SUGCT: variants seen among roughly 807,000 people sequenced by gnomAD.
SUGCT encodes the protein succinyl-CoA:glutarate CoA-transferase.
Under a neutral mutation model 55.0 loss-of-function variants are expected in SUGCT, and 41 were observed. That is an observed-to-expected ratio of 0.74 (90% CI 0.58 to 0.97). The LOEUF (loss-of-function observed/expected upper bound fraction) is 0.97. SUGCT is among the 50% of genes least tolerant of loss of function. The probability of loss-of-function intolerance (pLI) is 0.00; values close to 1 mark genes in which losing one functional copy is unlikely to be tolerated. For synonymous variants in SUGCT, 187 were observed against 200.4 expected, an observed-to-expected ratio of 0.93 and a Z score of 0.56; for missense variants, 568 against 547.8, an observed-to-expected ratio of 1.04 and a Z score of -0.37.
chr7:40,941,823 C>T, the SUGCT span, among the ~76,000 whole-genome samples: 6 of 151,938 alleles, frequency 3.9e-5, no homozygotes, highest in South Asian at 2.1e-4. Context: ...TATATAATGA[C>T]CTTTTTCTTA....
rs61249581 is a variant in SUGCT at position 40,333,760 on chromosome 7, C to CTT, written c.816+16913_816+16914dup. Among the ~76,000 whole-genome samples the CTT allele has an allele frequency of 3.4e-4, 45 of 133,264 alleles. 2 individuals carry two copies. The South Asian group carries it at 4.5e-3, about 13-fold the overall frequency. The allele number at this position is 133,264 out of a possible 152,430, so 87.4% of individuals were successfully genotyped here. A position where few individuals can be genotyped will look rare whatever the true frequency, so the allele number is the denominator to read the frequency against. ...TTAGTGACAGCATCGACCAGTGGCT[C>CTT]TTTTTTTTTAAATTTAAGTTCTAGG... is the stretch of plus-strand genomic sequence containing the variant. On this transcript the variant is annotated intron_variant, in intron 9 of 13. Coordinates refer to ENST00000335693, the MANE Select transcript of SUGCT (RefSeq NM_001193313.2).
In SUGCT at chr7:40,181,988, A is replaced by G. The variant is rs1211589558; in HGVS notation, c.186A>G (p.Leu62=). 1.9e-6 allele frequency: 3 copies of G among 1,602,476 alleles called. 1 individual carries two copies. Among genetic ancestry groups the G allele is most frequent in the Middle Eastern group, 3.4e-4 (2 of 5,938 alleles). The change falls in exon 3 of 14, where the codon TTA becomes TTG. Residue 62 remains leucine, a synonymous_variant. Coordinates refer to ENST00000335693, the MANE Select transcript of SUGCT (RefSeq NM_001193313.2). ...CGGGACCTTTTGCTACTATGAATTTAGGAGATCTTGGAGCAGAAGTTATAA... is the reference window on the plus strand; with the variant it reads ...CGGGACCTTTTGCTACTATGAATTTGGGAGATCTTGGAGCAGAAGTTATAA... ...VLAGPFATMN[L]GDLGAEVIKV...
At chr7:40,698,043 T>A (rs539646180) in intron 12 of SUGCT, among the ~76,000 whole-genome samples, 1 of 152,292 alleles carries the variant, frequency 6.6e-6, no homozygotes, top group East Asian at 1.9e-4. Context: ...CTTTCCAGGT[T>A]AATGAGCTGA....
At chr7:40,916,150 C>T in the SUGCT span, among the ~76,000 whole-genome samples, 2 of 151,672 alleles carry the variant, frequency 1.3e-5, no homozygotes, top group African/African-American at 4.8e-5. Flanking sequence ...GTTAGGCAGC[C>T]AAGAGATTAA....
chr7:40,909,257 T>G, the SUGCT span, among the ~76,000 whole-genome samples: 6 of 152,166 alleles, frequency 3.9e-5, no homozygotes, highest in Admixed American at 1.3e-4. Flanking sequence ...TGGAAAACAG[T>G]AGATCACTTG....
At chr7:40,657,719 G>A (rs1156696849) in intron 12 of SUGCT, among the ~76,000 whole-genome samples, 2 of 152,150 alleles carry the variant, frequency 1.3e-5, no homozygotes, top group African/African-American at 2.4e-5. Flanking sequence ...TATTTTTAGT[G>A]GAGACGGGGT....
In SUGCT at chr7:40,171,190, A is replaced by C. The variant is rs186773116; in HGVS notation, c.101-9757A>C. 8.8e-4 allele frequency among the ~76,000 whole-genome samples: 134 copies of C among 152,298 alleles called. 1 individual carries two copies. The South Asian group carries it at 0.019, about 22-fold the overall frequency. ...TGCCCCAGATTAAGTCCTTTTGGGTAAGAAATATGAGAGATGAATCCTGTT... is the reference window on the plus strand; with the variant it reads ...TGCCCCAGATTAAGTCCTTTTGGGTCAGAAATATGAGAGATGAATCCTGTT... On this transcript the variant is annotated intron_variant, in intron 1 of 13. Coordinates refer to ENST00000335693, the MANE Select transcript of SUGCT (RefSeq NM_001193313.2).
intron 9 of SUGCT, among the ~76,000 whole-genome samples, chr7:40,317,911 C>G (rs1795526133): frequency 6.6e-6 from 1 of 152,158 alleles, no homozygotes; most frequent in African/African-American, 2.4e-5. Context: ...CTTTTCAACA[C>G]ATTGAGTTGA....
At chr7:40,594,921 C>T (rs1006694505) in intron 12 of SUGCT, among the ~76,000 whole-genome samples, 2 of 152,136 alleles carry the variant, frequency 1.3e-5, no homozygotes, top group African/African-American at 4.8e-5. Context: ...ATCCTCAAAG[C>T]ATCATTTCTA....
chr7:40,647,507 A>T lies in SUGCT; in HGVS notation c.1090-101927A>T, dbSNP rs563492963. ...CTTTCTAAAATGATGTTCTGAGACA[A>T]GCCCTATCATATATCCAGCTTTAAT... On this transcript the variant is annotated intron_variant, in intron 12 of 13. Transcript: ENST00000335693. Among the ~76,000 whole-genome samples, 10 of 152,330 alleles carry T rather than the reference A, an allele frequency of 6.6e-5. No individual in the cohort carries two copies. In the East Asian group the frequency reaches 1.3e-3, roughly 21 times the overall value.
intron 9 of SUGCT, among the ~76,000 whole-genome samples, chr7:40,359,992 C>A (rs1798069316): frequency 6.6e-6 from 1 of 152,092 alleles, no homozygotes; most frequent in South Asian, 2.1e-4. Flanking sequence ...CTGCATAGCC[C>A]ATGAGTCTGC....
At chr7:40,686,860 G>A (rs1003670167) in intron 12 of SUGCT, among the ~76,000 whole-genome samples, 1 of 152,090 alleles carries the variant, frequency 6.6e-6, no homozygotes, top group Admixed American at 6.6e-5. Flanking sequence ...AAAATCTACA[G>A]CTTCTATGTT....
intron 7 of SUGCT, among the ~76,000 whole-genome samples, chr7:40,249,313 C>CTATATGTATATATATATA (rs1554296332): frequency 2.5e-5 from 2 of 79,512 alleles, no homozygotes; most frequent in South Asian, 9.2e-4. Context: ...CACCAAAAAG[C>CTATATGTATATATATATA]TATATATATA....
intron 9 of SUGCT, among the ~76,000 whole-genome samples, chr7:40,380,491 T>C (rs1345405467): frequency 1.3e-5 from 2 of 152,194 alleles, no homozygotes; most frequent in Non-Finnish European, 2.9e-5. Context: ...TTGAACTCTG[T>C]GCAGCTTGCC....
At chr7:40,443,227 G>A (rs1163124844) in intron 9 of SUGCT, among the ~76,000 whole-genome samples, 1 of 152,092 alleles carries the variant, frequency 6.6e-6, no homozygotes, top group Non-Finnish European at 1.5e-5. Flanking sequence ...TAATCCTTTA[G>A]GTATATACCC....
At chr7:41,018,798 A>G in the SUGCT span, among the ~76,000 whole-genome samples, 1 of 152,224 alleles carries the variant, frequency 6.6e-6, no homozygotes, top group Non-Finnish European at 1.5e-5. Context: ...ATTGTTGACA[A>G]TTGCAAATAA....
rs1008664275 is a variant in SUGCT, at chr7:40,445,330, C to A, written c.817-3957C>A. ...ATAAAGGGGATATCACCACTGATCC[C>A]ACAGAAATACAAACTACCATCAGAG... On this transcript the variant is annotated intron_variant, in intron 9 of 13. Coordinates refer to ENST00000335693, the MANE Select transcript of SUGCT (RefSeq NM_001193313.2). 1.3e-5 allele frequency among the ~76,000 whole-genome samples: 2 copies of A among 152,036 alleles called. 1 individual carries two copies. Among genetic ancestry groups the A allele is most frequent in the Non-Finnish European group, 2.9e-5 (2 of 68,006 alleles).
chr7:40,729,811 T>C (rs1584349751), intron 12 of SUGCT, among the ~76,000 whole-genome samples: 1 of 152,176 alleles, frequency 6.6e-6, no homozygotes, highest in Non-Finnish European at 1.5e-5. Flanking sequence ...ACGCCACTGC[T>C]AAAGAGAAGA....
At chr7:40,180,217 G>A (rs555716696) in intron 1 of SUGCT, among the ~76,000 whole-genome samples, 2 of 151,560 alleles carry the variant, frequency 1.3e-5, no homozygotes, top group South Asian at 2.1e-4. Context: ...TCCGCCTCCC[G>A]GGTTCAAAGG....
Sources: gnomAD v4.1 joint callset for allele counts (sites outside exome capture counted in the v4.1 genomes callset) on GRCh38, gnomAD v4.1.1 for gene constraint, MANE v1.5 for transcripts, NCBI Gene and HGNC (gene_info 2026-07-23, HGNC 2026-07-21) for gene names.